Variants in BNIP2 observed in about 807,000 individuals in gnomAD.
The protein encoded by BNIP2 is BCL2 interacting protein 2.
Under a neutral mutation model 43.4 loss-of-function variants are expected in BNIP2, and 36 were observed. The ratio of observed to expected loss-of-function variants is 0.83; its 90% confidence interval spans 0.64 to 1.10. The LOEUF (loss-of-function observed/expected upper bound fraction) is 1.10. BNIP2 is among the 50% of genes least tolerant of loss of function. The pLI, the probability that BNIP2 is intolerant of heterozygous loss-of-function variation, is 0.00. For synonymous variants in BNIP2, 146 were observed against 121.0 expected (o/e 1.21, Z -1.35); for missense variants, 417 against 374.1 (o/e 1.11, Z -0.95).
At position 59,679,585 on chromosome 15, in the gene BNIP2, CA is replaced by C; in HGVS notation, c.295+6del. The C allele has an allele frequency of 6.2e-7, 1 of 1,610,248 alleles. No individual in the cohort carries two copies. Among genetic ancestry groups the C allele is most frequent in the African/African-American group, 1.3e-5 (1 of 74,844 alleles). ...AAAGATCAGATTAAAAACAGTGAAA[CA>C]TTTACCTTCCCACTCAAACTCATTA... is the stretch of plus-strand genomic sequence containing the variant. On this transcript the variant is annotated splice_donor_region_variant and intron_variant, in intron 4 of 9. Transcript: ENST00000607373.
rs1391846792 is a variant in BNIP2 at position 59,659,201 on chromosome 15, ACAAAT to A, written c.*4863_*4867del. The stretch of plus-strand genomic sequence containing the variant: ...AATGTTGCAAAAAATATGATGTGCA[ACAAAT>A]CAAGACACAAGTTATATTCCTAACA... On this transcript the variant is annotated 3_prime_UTR_variant, in exon 10 of 10. Coordinates refer to ENST00000607373, the MANE Select transcript of BNIP2 (RefSeq NM_004330.4). 6.6e-6 allele frequency: 1 copy of A among 152,260 alleles called. No individual in the cohort carries two copies. The highest frequency in any genetic ancestry group is 1.5e-5 in the Non-Finnish European group (1 of 68,042). The allele number at this position is 152,260 out of a possible 1,614,324, so 9.4% of individuals were successfully genotyped here.
At chr15:59,683,230 A>G (rs1893807591) in intron 1 of BNIP2, among the ~76,000 whole-genome samples, 1 of 152,226 alleles carries the variant, frequency 6.6e-6, no homozygotes, top group African/African-American at 2.4e-5. Flanking sequence ...CGTGAGTCCA[A>G]TATCCTCATT....
chr15:59,679,107 A>T (rs1163764963), intron 4 of BNIP2: 1 of 177,738 alleles, frequency 5.6e-6, no homozygotes, highest in Non-Finnish European at 1.2e-5. Context: ...TTGTAATTAA[A>T]GAAAGCATGC....
At chr15:59,680,989 C>T (rs1290182815) in intron 2 of BNIP2, among the ~76,000 whole-genome samples, 2 of 152,158 alleles carry the variant, frequency 1.3e-5, no homozygotes, top group African/African-American at 2.4e-5. Context: ...ATTCCTTATG[C>T]AACAGCTCTT....
rs1398512233 is a variant in BNIP2 at position 59,661,313 on chromosome 15, G to A, written c.*2756C>T. The A allele has an allele frequency of 8.4e-6, 1 of 119,642 alleles. No individual in the cohort carries two copies. Among genetic ancestry groups the A allele is most frequent in the Non-Finnish European group, 1.6e-5 (1 of 60,912 alleles). 7.4% of individuals were successfully genotyped at this position (119,642 alleles called of 1,614,324 possible). A position where few individuals can be genotyped will look rare whatever the true frequency, so the allele number is the denominator to read the frequency against. On this transcript the variant is annotated 3_prime_UTR_variant, in exon 10 of 10. Transcript: ENST00000607373. ...CCACTGCACTCCAGAATGGGTGACAGAGTGAGTCTCTGTCTCCAAAAAAAA... is the reference window on the plus strand; with the variant it reads ...CCACTGCACTCCAGAATGGGTGACAAAGTGAGTCTCTGTCTCCAAAAAAAA...
intron 4 of BNIP2, among the ~76,000 whole-genome samples, chr15:59,679,041 A>G (rs1490190198): frequency 3.3e-5 from 5 of 152,230 alleles, no homozygotes; most frequent in African/African-American, 7.2e-5. Flanking sequence ...CATTTTCAAG[A>G]TGGAAAAAAA....
At chr15:59,673,270 G>A (rs1566964292) in intron 5 of BNIP2, among the ~76,000 whole-genome samples, 1 of 151,992 alleles carries the variant, frequency 6.6e-6, no homozygotes, top group Non-Finnish European at 1.5e-5. Context: ...ACACCACCGT[G>A]CCCGGCTAAT....
chr15:59,686,949 A>G (rs1054093231), intron 1 of BNIP2, among the ~76,000 whole-genome samples: 9 of 152,194 alleles, frequency 5.9e-5, no homozygotes, highest in Non-Finnish European at 1.0e-4. Context: ...CCTGGGAGGC[A>G]GAGGTTGCAG....
Position 59,659,180 on chromosome 15 carries a change from T to C in BNIP2, c.*4889A>G, listed in dbSNP as rs1258469803. On this transcript the variant is annotated 3_prime_UTR_variant, in exon 10 of 10. Transcript: ENST00000607373. ...ATTAATTTATTTAAATTCATTAATG[T>C]TGCAAAAAATATGATGTGCAACAAA... is the stretch of plus-strand genomic sequence containing the variant. The C allele has an allele frequency of 1.3e-5, 2 of 152,210 alleles. No homozygotes were observed. The highest frequency in any genetic ancestry group is 6.5e-5 in the Admixed American group (1 of 15,282). 9.4% of individuals were successfully genotyped at this position (152,210 alleles called of 1,614,324 possible).
Position 59,660,245 on chromosome 15 carries a change from C to T in BNIP2, c.*3824G>A, listed in dbSNP as rs371228736. On this transcript the variant is annotated 3_prime_UTR_variant, in exon 10 of 10. Transcript: ENST00000607373. ...AACTTGTGAGTACATACATTAATGC[C>T]TCTTTTTACTCTATCCCTCTCAGAT... 1.1e-4 allele frequency: 16 copies of T among 152,150 alleles called. No individual in the cohort carries two copies. Among genetic ancestry groups the T allele is most frequent in the African/African-American group, 3.9e-4 (16 of 41,422 alleles). 9.4% of individuals were successfully genotyped at this position (152,150 alleles called of 1,614,324 possible).
At chr15:59,676,952 T>C in intron 5 of BNIP2, 1 of 1,612,598 alleles carries the variant, frequency 6.2e-7, no homozygotes, top group Non-Finnish European at 8.5e-7. Flanking sequence ...CATGATCCTC[T>C]CTGCTGCCAT....
intron 1 of BNIP2, among the ~76,000 whole-genome samples, chr15:59,686,731 C>G (rs1178675932): frequency 1.3e-5 from 2 of 152,106 alleles, no homozygotes; most frequent in African/African-American, 4.8e-5. Flanking sequence ...GAAATGTTAA[C>G]ACAAGCCGGG....
At chr15:59,669,416 A>C in intron 7 of BNIP2, 54 bp from the exon 8 acceptor site, 1 of 1,222,026 alleles carries the variant, frequency 8.2e-7, no homozygotes, top group Non-Finnish European at 1.1e-6. Flanking sequence ...AATTTCTATA[A>C]ATTCTAATGC....
chr15:59,682,365 A>G (rs763404979), intron 2 of BNIP2, 43 bp downstream of exon 2: 1 of 1,531,536 alleles, frequency 6.5e-7, no homozygotes, highest in South Asian at 1.2e-5. Flanking sequence ...AGAAATTTTG[A>G]ACTTTTGCTC....
intron 3 of BNIP2, 91 bp from the exon 4 acceptor site, chr15:59,679,859 G>C: frequency 9.0e-7 from 1 of 1,117,266 alleles, no homozygotes. Flanking sequence ...CCCATTCTTG[G>C]GAAAAAATAA....
At chr15:59,664,400 G>C (rs1435363639) in intron 9 of BNIP2, among the ~76,000 whole-genome samples, 1 of 148,904 alleles carries the variant, frequency 6.7e-6, no homozygotes, top group African/African-American at 2.5e-5. Flanking sequence ...TCTTATTTTT[G>C]AGACGGAGTC....
intron 9 of BNIP2, among the ~76,000 whole-genome samples, chr15:59,667,306 A>C (rs1283184223): frequency 1.3e-5 from 2 of 152,222 alleles, no homozygotes; most frequent in African/African-American, 4.8e-5. Flanking sequence ...ATTACATATA[A>C]ATCTCTCACC....
chr15:59,677,275 G>T, intron 5 of BNIP2: 1 of 1,593,566 alleles, frequency 6.3e-7, no homozygotes, highest in Non-Finnish European at 8.6e-7. Context: ...TACAGGAGCT[G>T]CCAGGGGATC....
chr15:59,666,938 C>CT (rs6151572), intron 9 of BNIP2, among the ~76,000 whole-genome samples: 4,182 of 152,014 alleles, frequency 0.028, 78 homozygotes, highest in Non-Finnish European at 0.041. Context: ...GTATTAAAAA[C>CT]TTTTTTTAAA....
Sources: gnomAD v4.1 joint callset for allele counts (sites outside exome capture counted in the v4.1 genomes callset) on GRCh38, gnomAD v4.1.1 for gene constraint, MANE v1.5 for transcripts, NCBI Gene and HGNC (gene_info 2026-07-23, HGNC 2026-07-21) for gene names.